The following MNDA variants were observed in gnomAD, a reference collection of about 807,000 sequenced individuals.
MNDA encodes the protein epididymis secretory sperm binding protein.
MNDA carries 43 observed loss-of-function variants against 37.8 expected under a neutral mutation model. The observed-to-expected ratio is 1.14, with a 90% CI of 0.89 to 1.47. The LOEUF (loss-of-function observed/expected upper bound fraction) is 1.47. Ranked by LOEUF, MNDA falls within the 40% of genes most tolerant of loss-of-function variation. MNDA has a pLI of 0.00. For missense variants in MNDA, 536 were observed against 476.0 expected (o/e 1.13, Z -1.17); for synonymous variants, 181 against 169.0 (o/e 1.07, Z -0.55).
In MNDA at chr1:158,845,729, C is replaced by A. The variant is rs1558058105; in HGVS notation, c.713C>A (p.Ala238Asp). 1.9e-6 allele frequency: 3 copies of A among 1,614,142 alleles called. No homozygotes were observed. The highest frequency in any genetic ancestry group is 2.5e-6 in the Non-Finnish European group (3 of 1,180,028). The change falls in exon 5 of 7, where the codon GCT becomes GAT. Residue 238 changes from alanine to aspartate, a missense_variant. By Grantham distance (126) the Ala-to-Asp change is moderately radical. Transcript: ENST00000368141. Reference sequence around the variant, plus strand: ...AATGGGAAAAGCACAATGTTTCATGCTACAGTGGCCAGTAAGACTCAATAT... The same window carrying A: ...AATGGGAAAAGCACAATGTTTCATGATACAGTGGCCAGTAAGACTCAATAT... ...PENGKSTMFH[A>D]TVASKTQYFH...
intron 1 of MNDA, among the ~76,000 whole-genome samples, chr1:158,837,500 A>G (rs1658942649): frequency 6.6e-6 from 1 of 151,606 alleles, no homozygotes; most frequent in Non-Finnish European, 1.5e-5. Context: ...TTTTTATTTT[A>G]TCTGATCCTA....
chr1:158,846,036 C>T (rs757671265), intron 5 of MNDA, 33 bp downstream of exon 5: 33 of 1,525,504 alleles, frequency 2.2e-5, no homozygotes, highest in Non-Finnish European at 1.2e-5. Flanking sequence ...ATTTTCTCTA[C>T]CATTACCTGG....
At position 158,845,734 on chromosome 1, in the gene MNDA, G is replaced by C; in HGVS notation, c.718G>C (p.Val240Leu). 6.2e-7 allele frequency: 1 copy of C among 1,614,186 alleles called. No homozygotes were observed. The highest frequency in any genetic ancestry group is 8.5e-7 in the Non-Finnish European group (1 of 1,180,030). Residue 240 changes from valine (V) to leucine (L), a missense_variant, in exon 5 of 7, where the codon GTG becomes CTG. Physicochemically the swap from Val to Leu is conservative, Grantham distance 32. Transcript: ENST00000368141. ...NGKSTMFHAT[V>L]ASKTQYFHVK... ...GAAAAGCACAATGTTTCATGCTACA[G>C]TGGCCAGTAAGACTCAATATTTCCA... is the stretch of plus-strand genomic sequence containing the variant.
intron 3 of MNDA, among the ~76,000 whole-genome samples, chr1:158,843,715 A>G (rs1187495719): frequency 1.3e-5 from 2 of 152,160 alleles, no homozygotes; most frequent in East Asian, 3.9e-4. Context: ...TCATCACACC[A>G]CAGTGGTGAT....
intron 5 of MNDA, 108 bp downstream of exon 5, chr1:158,846,111 T>A: frequency 9.5e-7 from 1 of 1,051,016 alleles, no homozygotes; most frequent in Non-Finnish European, 1.4e-6. Context: ...TTATATTGAC[T>A]AGAGATAGTG....
rs41264047 is a variant in MNDA at position 158,849,489 on chromosome 1, C to A, written c.*252C>A. ...ATTCACGAGGCAAAAAATAAAATAT[C>A]TTTTTTTGAAGGACATTATTTTCCC... On this transcript the variant is annotated 3_prime_UTR_variant, in exon 7 of 7. Transcript: ENST00000368141. 473 of 418,098 alleles carry A rather than the reference C, an allele frequency of 1.1e-3. 5 individuals carry two copies. The highest frequency in any genetic ancestry group is 1.9e-3 in the Non-Finnish European group (431 of 231,170). The allele number at this position is 418,098 out of a possible 1,614,324, so 25.9% of individuals were successfully genotyped here. A position where few individuals can be genotyped will look rare whatever the true frequency, so the allele number is the denominator to read the frequency against.
Position 158,849,215 on chromosome 1 carries a change from A to G in MNDA, c.1202A>G (p.Glu401Gly). The G allele has an allele frequency of 6.2e-7, 1 of 1,612,298 alleles. No individual in the cohort carries two copies. Among genetic ancestry groups the G allele is most frequent in the Non-Finnish European group, 8.5e-7 (1 of 1,178,850 alleles). Residue 401 changes from glutamate to glycine, a missense_variant, in exon 7 of 7, where the codon GAA becomes GGA. Coordinates refer to ENST00000368141, the MANE Select transcript of MNDA (RefSeq NM_002432.3). ...IKVIKAKKNK[E>G]GPMNVN The stretch of plus-strand genomic sequence containing the variant: ...GTCATCAAGGCCAAGAAAAACAAGG[A>G]AGGACCAATGAATGTTAATTGAAAT...
intron 1 of MNDA, among the ~76,000 whole-genome samples, chr1:158,839,259 C>T (rs563233123): frequency 2.0e-5 from 3 of 152,250 alleles, no homozygotes; most frequent in Non-Finnish European, 4.4e-5. Flanking sequence ...GAAATATAAA[C>T]GTTCTCTGAG....
intron 5 of MNDA, among the ~76,000 whole-genome samples, chr1:158,847,275 A>ACCCAAAACCATTTGTAC (rs1372735480): frequency 1.3e-5 from 2 of 152,286 alleles, no homozygotes; most frequent in East Asian, 3.9e-4. Flanking sequence ...AATCCATGTA[A>ACCCAAAACCATTTGTAC]CCCAAAACCA....
chr1:158,849,462 A>T lies in MNDA; in HGVS notation c.*225A>T. 2.2e-6 allele frequency: 1 copy of T among 462,062 alleles called. No homozygotes were observed. 28.6% of individuals were successfully genotyped at this position (462,062 alleles called of 1,614,324 possible). ...TTAGATATTACATTTTGCTTTTATG[A>T]CATTCACGAGGCAAAAAATAAAATA... On this transcript the variant is annotated 3_prime_UTR_variant, in exon 7 of 7. Coordinates refer to ENST00000368141, the MANE Select transcript of MNDA (RefSeq NM_002432.3).
chr1:158,838,506 A>G lies in MNDA; in HGVS notation c.-20-3628A>G, dbSNP rs547138019. Among the ~76,000 whole-genome samples, 5 of 152,138 alleles carry G rather than the reference A, an allele frequency of 3.3e-5. No homozygotes were observed. In the South Asian group the frequency reaches 6.2e-4, roughly 19 times the overall value. On this transcript the variant is annotated intron_variant, in intron 1 of 6. Coordinates refer to ENST00000368141, the MANE Select transcript of MNDA (RefSeq NM_002432.3). ...GTTGCCTTTTTCTTGCGCTTTTTAA[A>G]TGATTTTCTTTTCGTCTTTGAGTGT...
intron 1 of MNDA, among the ~76,000 whole-genome samples, chr1:158,838,407 C>T (rs1398170531): frequency 6.6e-6 from 1 of 152,090 alleles, no homozygotes; most frequent in African/African-American, 2.4e-5. Flanking sequence ...TATTGTCCCA[C>T]TACCTTCTGG....
intron 5 of MNDA, among the ~76,000 whole-genome samples, chr1:158,847,279 A>C (rs1441439365): frequency 6.6e-6 from 1 of 152,204 alleles, no homozygotes; most frequent in Non-Finnish European, 1.5e-5. Flanking sequence ...CATGTAACCC[A>C]AAACCATTTG....
At position 158,849,474 on chromosome 1, in the gene MNDA, CA is replaced by C; in HGVS notation, c.*243del. On this transcript the variant is annotated 3_prime_UTR_variant, in exon 7 of 7. Coordinates refer to ENST00000368141, the MANE Select transcript of MNDA (RefSeq NM_002432.3). ...TTTTGCTTTTATGACATTCACGAGG[CA>C]AAAAATAAAATATCTTTTTTTGAAG... The C allele has an allele frequency of 2.3e-6, 1 of 432,986 alleles. No homozygotes were observed. The highest frequency in any genetic ancestry group is 4.2e-6 in the Non-Finnish European group (1 of 240,576). The allele number at this position is 432,986 out of a possible 1,614,324, so 26.8% of individuals were successfully genotyped here. A position where few individuals can be genotyped will look rare whatever the true frequency, so the allele number is the denominator to read the frequency against.
intron 1 of MNDA, among the ~76,000 whole-genome samples, chr1:158,837,670 T>C (rs114503838): frequency 0.043 from 6,603 of 151,910 alleles, 395 homozygotes; most frequent in African/African-American, 0.14. Flanking sequence ...TATGTATATA[T>C]AATTTTAATA....
intron 6 of MNDA, among the ~76,000 whole-genome samples, chr1:158,848,927 T>A (rs1346276675): frequency 6.6e-6 from 1 of 152,134 alleles, no homozygotes; most frequent in African/African-American, 2.4e-5. Flanking sequence ...AAATGGGTAG[T>A]TGGTTAACCA....
chr1:158,846,423 T>A (rs970199414), intron 5 of MNDA, among the ~76,000 whole-genome samples: 2 of 152,208 alleles, frequency 1.3e-5, no homozygotes, highest in African/African-American at 4.8e-5. Flanking sequence ...AATTTTGGAG[T>A]AATAAGTGGA....
At chr1:158,840,550 TG>T (rs1659011524) in intron 1 of MNDA, among the ~76,000 whole-genome samples, 1 of 152,152 alleles carries the variant, frequency 6.6e-6, no homozygotes, top group African/African-American at 2.4e-5. Flanking sequence ...ATCTCTAATT[TG>T]CAAGATGATT....
intron 4 of MNDA, among the ~76,000 whole-genome samples, chr1:158,845,118 C>A (rs1448109386): frequency 2.0e-5 from 3 of 152,194 alleles, no homozygotes; most frequent in Non-Finnish European, 4.4e-5. Context: ...CCCTGTCTAG[C>A]CTAGCCCCCA....
Sources: allele counts gnomAD v4.1 joint callset (sites outside exome capture counted in the v4.1 genomes callset), GRCh38; gene constraint gnomAD v4.1.1; transcripts MANE v1.5; gene names NCBI Gene and HGNC (gene_info 2026-07-23, HGNC 2026-07-21).